Variants in LPP observed in about 807,000 individuals in gnomAD.
LPP encodes lipoma-preferred partner.
In LPP, 38 loss-of-function variants were observed where a neutral mutation model predicts 60.4. That is an observed-to-expected ratio of 0.63 (90% CI 0.49 to 0.83). The LOEUF (loss-of-function observed/expected upper bound fraction) is 0.83. Ranked by LOEUF, LPP falls within the 40% of genes least tolerant of loss-of-function variation. The pLI, the probability that LPP is intolerant of heterozygous loss-of-function variation, is 0.00. For synonymous variants in LPP, 328 were observed against 290.8 expected (o/e 1.13, Z -1.30); for missense variants, 902 against 783.6 (o/e 1.15, Z -1.80).
At chr3:188,530,200 A>C (rs1037492766) in intron 6 of LPP, among the ~76,000 whole-genome samples, 1 of 152,244 alleles carries the variant, frequency 6.6e-6, no homozygotes, top group African/African-American at 2.4e-5. Context: ...TTTGATGCCC[A>C]AGGGCTTTCA....
At position 188,877,202 on chromosome 3, in the gene LPP, A is replaced by G; in HGVS notation, c.*2723A>G. ...AAACAATGCCAAGTCACTCTTTTTT[A>G]GTTGCATGAAATTTTGCCTGCAACA... is the stretch of plus-strand genomic sequence containing the variant. On this transcript the variant is annotated 3_prime_UTR_variant, in exon 12 of 12. Transcript: ENST00000617246. 1 of 175,560 alleles carries G rather than the reference A, an allele frequency of 5.7e-6. No individual in the cohort carries two copies. The highest frequency in any genetic ancestry group is 2.0e-4 in the South Asian group (1 of 5,026). 10.9% of individuals were successfully genotyped at this position (175,560 alleles called of 1,614,324 possible). A position where few individuals can be genotyped will look rare whatever the true frequency, so the allele number is the denominator to read the frequency against.
At chr3:188,474,281 G>A (rs552494170) in intron 4 of LPP, among the ~76,000 whole-genome samples, 1 of 150,584 alleles carries the variant, frequency 6.6e-6, no homozygotes, top group Non-Finnish European at 1.5e-5. Flanking sequence ...TGTTAATCAG[G>A]TAGGGGAAAC....
chr3:188,675,295 C>A (rs547387141), intron 7 of LPP, among the ~76,000 whole-genome samples: 161 of 152,318 alleles, frequency 1.1e-3, no homozygotes, highest in Admixed American at 1.6e-3. Context: ...TGGGTTGCGG[C>A]AAGCCCTGAG....
At chr3:188,488,219 G>A (rs1308477799) in intron 5 of LPP, among the ~76,000 whole-genome samples, 1 of 151,962 alleles carries the variant, frequency 6.6e-6, no homozygotes, top group Non-Finnish European at 1.5e-5. Flanking sequence ...CATTGCAGAG[G>A]GTTACACGTT....
At chr3:188,459,579 T>G (rs80311210) in intron 4 of LPP, among the ~76,000 whole-genome samples, 2 of 152,036 alleles carry the variant, frequency 1.3e-5, no homozygotes, top group Non-Finnish European at 2.9e-5. Flanking sequence ...CTTTTTAGTA[T>G]TGACTTTTCC....
At position 188,375,517 on chromosome 3, in the gene LPP, G is replaced by T. The variant is rs918096831; in HGVS notation, c.-9-30595G>T. Among the ~76,000 whole-genome samples the T allele has an allele frequency of 9.8e-5, 15 of 152,296 alleles. No individual in the cohort carries two copies. In the East Asian group the frequency reaches 2.9e-3, roughly 29 times the overall value. On this transcript the variant is annotated intron_variant, in intron 3 of 11. Transcript: ENST00000617246. ...AGAAGAGGTGTTTGTAGTACTCTCT[G>T]ATGGTAGTTTGTATTTCTGTGGGAT...
At chr3:188,185,793 T>A (rs894662186) in intron 1 of LPP, among the ~76,000 whole-genome samples, 3 of 152,196 alleles carry the variant, frequency 2.0e-5, no homozygotes, top group Admixed American at 6.5e-5. Flanking sequence ...GTTGACCTAA[T>A]GTTATGTTTT....
chr3:188,247,786 G>A (rs1369507460), intron 2 of LPP, among the ~76,000 whole-genome samples: 9 of 147,312 alleles, frequency 6.1e-5, no homozygotes, highest in Non-Finnish European at 1.3e-4. Flanking sequence ...GCGACAGAGT[G>A]AGACTCCATC....
chr3:188,437,240 A>G (rs994180716), intron 4 of LPP, among the ~76,000 whole-genome samples: 3 of 152,192 alleles, frequency 2.0e-5, no homozygotes, highest in Non-Finnish European at 4.4e-5. Flanking sequence ...GCCTAAATGG[A>G]TCTAGGAGGA....
chr3:188,864,247 A>G (rs1578048026), intron 9 of LPP, among the ~76,000 whole-genome samples: 1 of 152,218 alleles, frequency 6.6e-6, no homozygotes, highest in Non-Finnish European at 1.5e-5. Context: ...GGGAAGGATG[A>G]TGATGGATTT....
intron 1 of LPP, among the ~76,000 whole-genome samples, chr3:188,156,739 C>T (rs1014871398): frequency 4.6e-5 from 7 of 151,752 alleles, no homozygotes; most frequent in South Asian, 2.1e-4. Flanking sequence ...TGGGAGGCTG[C>T]GGCAGGAGAA....
At chr3:188,326,285 G>GGTGA (rs1758411913) in intron 2 of LPP, among the ~76,000 whole-genome samples, 1 of 152,154 alleles carries the variant, frequency 6.6e-6, no homozygotes, top group Admixed American at 6.5e-5. Flanking sequence ...CAGTAACCAT[G>GGTGA]GTGAGTAGAC....
rs556676229 is a variant in LPP at position 188,662,287 on chromosome 3, C to T, written c.1114-45980C>T. Among the ~76,000 whole-genome samples, 13 of 152,292 alleles carry T rather than the reference C, an allele frequency of 8.5e-5. No individual in the cohort carries two copies. The South Asian group carries it at 1.9e-3, about 22-fold the overall frequency. On this transcript the variant is annotated intron_variant, in intron 7 of 11. Coordinates refer to ENST00000617246, the MANE Select transcript of LPP (RefSeq NM_001375462.1). ...TATTTATCCTGAAGTGATATAACAT[C>T]GTTGGGCTGCTTCAAACTGCCTTTA...
At chr3:188,663,092 A>G (rs1451173070) in intron 7 of LPP, among the ~76,000 whole-genome samples, 1 of 152,220 alleles carries the variant, frequency 6.6e-6, no homozygotes, top group Non-Finnish European at 1.5e-5. Context: ...AGAAGAAACA[A>G]GTGGGGAGAA....
chr3:188,555,738 AAT>A (rs1195398427), intron 6 of LPP, among the ~76,000 whole-genome samples: 1 of 152,122 alleles, frequency 6.6e-6, no homozygotes, highest in African/African-American at 2.4e-5. Context: ...TTTGGCTTTG[AAT>A]ATGTTATATT....
intron 3 of LPP, among the ~76,000 whole-genome samples, chr3:188,349,004 G>A (rs1355569020): frequency 6.6e-6 from 1 of 152,156 alleles, no homozygotes; most frequent in Admixed American, 6.5e-5. Flanking sequence ...CTATTCAGAA[G>A]GGGTCAAACT....
intron 3 of LPP, among the ~76,000 whole-genome samples, chr3:188,367,187 C>A (rs546375333): frequency 0.037 from 5,673 of 152,032 alleles, 146 homozygotes; most frequent in Non-Finnish European, 0.061. Flanking sequence ...TGAGCCACTG[C>A]ACCTGGCCAG....
intron 1 of LPP, among the ~76,000 whole-genome samples, chr3:188,200,326 C>T (rs953991457): frequency 4.6e-5 from 7 of 151,060 alleles, no homozygotes; most frequent in Admixed American, 3.3e-4. Context: ...CGCGGCTCAC[C>T]GCAACCTCTG....
chr3:188,407,784 G>GTTTTTTTTTTTTTTTT (rs1397646143), intron 4 of LPP, among the ~76,000 whole-genome samples: 10 of 114,832 alleles, frequency 8.7e-5, no homozygotes, highest in East Asian at 5.0e-4. Flanking sequence ...TTTTTTGTTT[G>GTTTTTTTTTTTTTTTT]TTTGTTTTTT....
Sources: allele counts gnomAD v4.1 joint callset (sites outside exome capture counted in the v4.1 genomes callset), GRCh38; gene constraint gnomAD v4.1.1; transcripts MANE v1.5; gene names NCBI Gene and HGNC (gene_info 2026-07-23, HGNC 2026-07-21).